The following PLCG2 variants were observed in gnomAD, a reference collection of about 807,000 sequenced individuals.
PLCG2 encodes 1-phosphatidylinositol 4,5-bisphosphate phosphodiesterase gamma-2.
PLCG2 carries 69 observed loss-of-function variants against 175.6 expected under a neutral mutation model. That is an observed-to-expected ratio of 0.39 (90% confidence interval 0.32 to 0.48). PLCG2 has a LOEUF of 0.48. Among genes scored for constraint, PLCG2 ranks in the 20% least tolerant of loss-of-function variants. The probability of loss-of-function intolerance (pLI) is 0.91; values close to 1 mark genes in which losing one functional copy is unlikely to be tolerated. For synonymous variants in PLCG2, 827 were observed against 624.0 expected (o/e 1.33, Z -4.85); for missense variants, 1,798 against 1,650.9 (o/e 1.09, Z -1.54).
rs184534778 is a variant in PLCG2 at position 81,894,301 on chromosome 16, C to T, written c.1072+507C>T. ...AAAATTAGCTGTGTGTAGTGGCATG[C>T]GCCTGTGGTCCCAACAACTTGGGAG... On this transcript the variant is annotated intron_variant, in intron 12 of 32. Transcript: ENST00000564138. 2.0e-3 allele frequency among the ~76,000 whole-genome samples: 310 copies of T among 152,224 alleles called. 1 individual carries two copies. The highest frequency in any genetic ancestry group is 6.4e-3 in the African/African-American group (267 of 41,538).
chr16:81,775,569 C>T (rs1910380750), upstream of PLCG2, among the ~76,000 whole-genome samples: 1 of 152,102 alleles, frequency 6.6e-6, no homozygotes, highest in African/African-American at 2.4e-5. Context: ...ATTTCTGATA[C>T]CCATAGGTAT....
At chr16:81,945,385 A>G (rs1211968739) in intron 30 of PLCG2, among the ~76,000 whole-genome samples, 1 of 152,266 alleles carries the variant, frequency 6.6e-6, no homozygotes, top group East Asian at 1.9e-4. Context: ...AGGCACTATC[A>G]TTTGTGATTA....
intron 2 of PLCG2, among the ~76,000 whole-genome samples, chr16:81,791,007 A>C (rs1297469167): frequency 6.6e-6 from 1 of 152,184 alleles, no homozygotes; most frequent in East Asian, 1.9e-4. Context: ...CAGCAATAAA[A>C]TGTCACTGGG....
At chr16:81,890,320 AT>A (rs1035711921) in intron 10 of PLCG2, among the ~76,000 whole-genome samples, 45 of 152,310 alleles carry the variant, frequency 3.0e-4, no homozygotes, top group East Asian at 1.2e-3. Context: ...AAGGGCTGGT[AT>A]TTAAACTATA....
At chr16:81,904,360 C>T (rs1909274786) in intron 14 of PLCG2, among the ~76,000 whole-genome samples, 1 of 152,180 alleles carries the variant, frequency 6.6e-6, no homozygotes, top group Non-Finnish European at 1.5e-5. Flanking sequence ...GATCTGACCC[C>T]CTATCCTGAG....
chr16:81,920,219 C>G (rs761383322), intron 20 of PLCG2, among the ~76,000 whole-genome samples: 23 of 152,140 alleles, frequency 1.5e-4, no homozygotes, highest in Non-Finnish European at 2.8e-4. Context: ...TTCTCTGAGT[C>G]ATTGGAGAGT....
At chr16:81,930,960 A>G (rs149572593) in intron 24 of PLCG2, among the ~76,000 whole-genome samples, 7 of 152,326 alleles carry the variant, frequency 4.6e-5, no homozygotes, top group Admixed American at 1.3e-4. Context: ...TTTGTAAAAA[A>G]TATTTATGAT....
chr16:81,794,986 T>A (rs1204985923), intron 2 of PLCG2, among the ~76,000 whole-genome samples: 1 of 152,216 alleles, frequency 6.6e-6, no homozygotes, highest in East Asian at 1.9e-4. Flanking sequence ...AGGAATTGCT[T>A]GTCTTGTTTT....
intron 31 of PLCG2, among the ~76,000 whole-genome samples, chr16:81,952,026 G>A (rs1464823451): frequency 6.6e-6 from 1 of 152,070 alleles, no homozygotes; most frequent in Non-Finnish European, 1.5e-5. Flanking sequence ...GTAACAAACA[G>A]AAATGTGGTG....
chr16:81,895,771 C>T, intron 12 of PLCG2, 36 bp from the exon 13 acceptor site: 1 of 1,613,062 alleles, frequency 6.2e-7, no homozygotes, highest in Non-Finnish European at 8.5e-7. Flanking sequence ...TCAGTGAACA[C>T]ACGTGGTATT....
At chr16:81,756,688 T>C (rs1164553613) in intron 2 of PLCG2, among the ~76,000 whole-genome samples, 1 of 152,198 alleles carries the variant, frequency 6.6e-6, no homozygotes, top group Non-Finnish European at 1.5e-5. Flanking sequence ...GTGGACTTCG[T>C]GAGGCGGGTG....
intron 2 of PLCG2, among the ~76,000 whole-genome samples, chr16:81,760,547 G>A (rs1462830813): frequency 6.6e-6 from 1 of 151,990 alleles, no homozygotes; most frequent in Non-Finnish European, 1.5e-5. Flanking sequence ...GGCCTTATAT[G>A]GGGAGGCAGT....
intron 2 of PLCG2, among the ~76,000 whole-genome samples, chr16:81,834,853 T>G (rs1905432668): frequency 1.2e-4 from 18 of 152,228 alleles, no homozygotes; most frequent in Admixed American, 1.2e-3. Flanking sequence ...CCTTTGGTCT[T>G]TTATGGCTAA....
In PLCG2 at chr16:81,935,541, G is replaced by T. The variant is rs568928100; in HGVS notation, c.2843-628G>T. ...CTTCCATATCTTTCATCTTAGAACAGAAGACCAGCCAGACAATACTAGACC... is the reference window on the plus strand; with the variant it reads ...CTTCCATATCTTTCATCTTAGAACATAAGACCAGCCAGACAATACTAGACC... On this transcript the variant is annotated intron_variant, in intron 26 of 32. Transcript: ENST00000564138. 1.4e-5 allele frequency: 14 copies of T among 985,246 alleles called. No individual in the cohort carries two copies. The African/African-American group carries it at 1.7e-4, about 12-fold the overall frequency. The allele number at this position is 985,246 out of a possible 1,614,324, so 61.0% of individuals were successfully genotyped here. A position where few individuals can be genotyped will look rare whatever the true frequency, so the allele number is the denominator to read the frequency against.
In PLCG2 at chr16:81,915,389, G is replaced by T. The variant is rs143842377; in HGVS notation, c.2054+2673G>T. 2.9e-3 allele frequency among the ~76,000 whole-genome samples: 441 copies of T among 152,342 alleles called. 2 individuals carry two copies. The highest frequency in any genetic ancestry group is 2.6e-3 in the Non-Finnish European group (177 of 68,036). On this transcript the variant is annotated intron_variant, in intron 19 of 32. Transcript: ENST00000564138. ...TTCAAATCCACAAAGGAAGTGTTGA[G>T]TTGTTGCCCGGCTGTGATTGGTGGA... is the stretch of plus-strand genomic sequence containing the variant.
At chr16:81,774,449 C>G (rs1225111601), upstream of PLCG2, among the ~76,000 whole-genome samples, 2 of 152,216 alleles carry the variant, frequency 1.3e-5, no homozygotes, top group East Asian at 1.9e-4. Context: ...GCAGTGAGGC[C>G]TAACCCCATT....
intron 2 of PLCG2, among the ~76,000 whole-genome samples, chr16:81,771,352 C>G (rs1231397664): frequency 6.6e-6 from 1 of 152,186 alleles, no homozygotes; most frequent in African/African-American, 2.4e-5. Context: ...CTCAGCCTCC[C>G]AAGTAGCCAG....
At chr16:81,891,431 C>T (rs370750319) in intron 10 of PLCG2, 41 bp from the exon 11 acceptor site, 86 of 1,105,042 alleles carry the variant, frequency 7.8e-5, no homozygotes, top group African/African-American at 6.4e-4. Context: ...CCATCCTGCC[C>T]GTCAACGTGA....
At chr16:81,750,663 A>AGTTTTTTTTTTTT (rs1909790753) in intron 1 of PLCG2, among the ~76,000 whole-genome samples, 1 of 68,446 alleles carries the variant, frequency 1.5e-5, no homozygotes, top group Non-Finnish European at 2.6e-5. Flanking sequence ...GGGACTGGAG[A>AGTTTTTTTTTTTT]TTTTTTTTTT....
Sources: allele counts gnomAD v4.1 joint callset (sites outside exome capture counted in the v4.1 genomes callset), GRCh38; gene constraint gnomAD v4.1.1; transcripts MANE v1.5; gene names NCBI Gene and HGNC (gene_info 2026-07-23, HGNC 2026-07-21).